ABCA4: variants seen among roughly 807,000 people sequenced by gnomAD.
ABCA4 encodes the protein retinal-specific phospholipid-transporting ATPase ABCA4.
A neutral mutation model predicts 263.7 loss-of-function variants in ABCA4; 196 were observed. The ratio of observed to expected loss-of-function variants is 0.74; its 90% CI spans 0.66 to 0.84. The LOEUF is 0.84. Among genes scored for constraint, ABCA4 ranks in the 40% least tolerant of loss-of-function variants. ABCA4 has a pLI of 0.00. For synonymous variants in ABCA4, 1,133 were observed against 1,094.2 expected, an observed-to-expected ratio of 1.04 and a Z score of -0.70; for missense variants, 2,792 against 2,855.1, an observed-to-expected ratio of 0.98 and a Z score of 0.50.
At chr1:94,083,500 C>T (rs1661757343) in intron 6 of ABCA4, 59 bp from the exon 7 acceptor site, 3 of 1,314,870 alleles carry the variant, frequency 2.3e-6, no homozygotes, top group East Asian at 2.3e-5. Context: ...TATATACACA[C>T]ATAGGCACAG....
At chr1:94,042,973 A>G in intron 21 of ABCA4, 75 bp from the exon 22 acceptor site, 3 of 1,593,680 alleles carry the variant, frequency 1.9e-6, no homozygotes, top group East Asian at 2.2e-5. Flanking sequence ...GGCAAGTGGC[A>G]TTGTGGGGGT....
chr1:94,042,035 C>G (rs544182173), intron 22 of ABCA4, among the ~76,000 whole-genome samples: 12 of 137,770 alleles, frequency 8.7e-5, no homozygotes, highest in Non-Finnish European at 1.8e-4. Flanking sequence ...GGAGGCGGAG[C>G]TTGCAGTGAG....
intron 26 of ABCA4, among the ~76,000 whole-genome samples, chr1:94,033,873 T>C (rs958052180): frequency 1.3e-5 from 2 of 152,124 alleles, no homozygotes; most frequent in Non-Finnish European, 2.9e-5. Context: ...TGATGTCTTC[T>C]ATGGCTGGCC....
At position 94,051,576 on chromosome 1, in the gene ABCA4, G is replaced by A. The variant is rs114978109; in HGVS notation, c.2653+57C>T. 1.2e-3 allele frequency: 1,674 copies of A among 1,451,310 alleles called. 15 individuals are homozygous for A. In the African/African-American group the frequency reaches 0.022, roughly 19 times the overall value. The allele number at this position is 1,451,310 out of a possible 1,614,324, so 89.9% of individuals were successfully genotyped here. A position where few individuals can be genotyped will look rare whatever the true frequency, so the allele number is the denominator to read the frequency against. On this transcript the variant is annotated intron_variant, in intron 17 of 49. Transcript: ENST00000370225. Reference sequence around the variant, plus strand: ...CACCTCTGTGATCCATATACATCTTGCACAGAGCCCAAGGAGTTGATTTCA... The same window carrying A: ...CACCTCTGTGATCCATATACATCTTACACAGAGCCCAAGGAGTTGATTTCA...
At chr1:94,080,769 T>A (rs375651324) in intron 7 of ABCA4, 51 bp from the exon 8 acceptor site, 42 of 1,613,054 alleles carry the variant, frequency 2.6e-5, no homozygotes, top group Non-Finnish European at 3.6e-5. Context: ...AGAGTCATAA[T>A]CTGCTGTGAG....
chr1:94,116,978 C>T (rs540610252), intron 1 of ABCA4, among the ~76,000 whole-genome samples: 1 of 95,950 alleles, frequency 1.0e-5, no homozygotes, highest in Non-Finnish European at 2.2e-5. Flanking sequence ...CTCTTTCTTT[C>T]TTTCTTTCTT....
In ABCA4 at chr1:94,055,178, C is replaced by T; in HGVS notation, c.2520G>A (p.Met840Ile). Residue 840 changes from methionine (M) to isoleucine (I), a missense_variant, in exon 16 of 50, where the codon ATG becomes ATA. By Grantham distance (10) the Met-to-Ile change is conservative (BLOSUM62 1). Transcript: ENST00000370225. ...EGDEFSFLLS[M>I]QMMLLDAAVY... ...CAGCAGCATCAAGGAGCATCATCTG[C>T]ATGGACAGCAGGAAGCTGAATTCGT... 1.2e-6 allele frequency: 2 copies of T among 1,614,180 alleles called. No individual in the cohort carries two copies. Among genetic ancestry groups the T allele is most frequent in the Middle Eastern group, 1.6e-4 (1 of 6,062 alleles).
At position 93,994,206 on chromosome 1, in the gene ABCA4, A is replaced by T. The variant is rs1658939985; in HGVS notation, c.6817-964T>A. 2.0e-5 allele frequency among the ~76,000 whole-genome samples: 3 copies of T among 152,326 alleles called. No individual in the cohort carries two copies. In the South Asian group the frequency reaches 6.2e-4, roughly 32 times the overall value. The stretch of plus-strand genomic sequence containing the variant: ...TCACATAATTATTAACCTATTTAGG[A>T]TGTTTCTAAGTTGTCTGATCATCTG... On this transcript the variant is annotated intron_variant, in intron 49 of 49. Coordinates refer to ENST00000370225, the MANE Select transcript of ABCA4 (RefSeq NM_000350.3).
In ABCA4 at chr1:94,037,288, A is replaced by G. The variant is rs762213896; in HGVS notation, c.3670T>C (p.Cys1224Arg). Reference sequence around the variant, plus strand: ...AGGAAGATAAGTTCTTGACCAATGCACTCCACCAGCTTTGCCTCTGGAACA... The same window carrying G: ...AGGAAGATAAGTTCTTGACCAATGCGCTCCACCAGCTTTGCCTCTGGAACA... Reference protein sequence around the residue: ...HHVPEAKLVECIGQELIFLLP... With the variant: ...HHVPEAKLVERIGQELIFLLP... The change falls in exon 25 of 50, where the codon TGC becomes CGC. Residue 1224 changes from cysteine to arginine, a missense_variant. By Grantham distance (180) the Cys-to-Arg change is radical. Coordinates refer to ENST00000370225, the MANE Select transcript of ABCA4 (RefSeq NM_000350.3). 1 of 1,613,978 alleles carries G rather than the reference A, an allele frequency of 6.2e-7. No homozygotes were observed.
chr1:94,015,714 T>A, intron 37 of ABCA4, 25 bp downstream of exon 37: 7 of 1,452,776 alleles, frequency 4.8e-6, no homozygotes, highest in Non-Finnish European at 4.8e-6. Context: ...TTCAGAGGCA[T>A]TAGCTAATGG....
chr1:94,042,659 G>T, intron 22 of ABCA4, 102 bp downstream of exon 22: 4 of 1,491,684 alleles, frequency 2.7e-6, no homozygotes, highest in East Asian at 2.3e-5. Flanking sequence ...TGTAGTCATT[G>T]TGGTTCCTGT....
rs374642363 is a variant in ABCA4, at chr1:94,025,507, TCA to T, written c.4540-461_4540-460del. 726 of 254,798 alleles carry T rather than the reference TCA, an allele frequency of 2.8e-3. 14 individuals are homozygous for T. The South Asian group carries it at 0.032, about 11-fold the overall frequency. The allele number at this position is 254,798 out of a possible 1,614,324, so 15.8% of individuals were successfully genotyped here. On this transcript the variant is annotated intron_variant, in intron 30 of 49. Coordinates refer to ENST00000370225, the MANE Select transcript of ABCA4 (RefSeq NM_000350.3). The stretch of plus-strand genomic sequence containing the variant: ...ATAAACCCTGGGATCAAATCTCGAC[TCA>T]CTACCAAGGCCCATGTGGCCGATGT...
chr1:94,026,324 G>A (rs1660038030), intron 30 of ABCA4, among the ~76,000 whole-genome samples: 1 of 152,170 alleles, frequency 6.6e-6, no homozygotes, highest in Non-Finnish European at 1.5e-5. Context: ...TGCTCCCTGT[G>A]TGTCGGGCAC....
At chr1:94,040,650 GA>G (rs1660461148) in intron 23 of ABCA4, among the ~76,000 whole-genome samples, 1 of 151,970 alleles carries the variant, frequency 6.6e-6, no homozygotes, top group African/African-American at 2.4e-5. Context: ...ATGTGAAGAA[GA>G]AAAAAATACT....
rs1658907058 is a variant in ABCA4, at chr1:93,992,870, A to G, written c.*367T>C. ...GAGTGCATTTGCATTTTATTTTTCC[A>G]TGAAAATCACACACAACGCAGACAC... On this transcript the variant is annotated 3_prime_UTR_variant, in exon 50 of 50. Transcript: ENST00000370225. 2.9e-6 allele frequency: 1 copy of G among 339,890 alleles called. No homozygotes were observed. Among genetic ancestry groups the G allele is most frequent in the Non-Finnish European group, 5.6e-6 (1 of 177,336 alleles). The allele number at this position is 339,890 out of a possible 1,614,324, so 21.1% of individuals were successfully genotyped here. A position where few individuals can be genotyped will look rare whatever the true frequency, so the allele number is the denominator to read the frequency against.
chr1:94,016,457 A>G (rs1042232993), intron 36 of ABCA4, among the ~76,000 whole-genome samples: 3 of 152,166 alleles, frequency 2.0e-5, no homozygotes, highest in Non-Finnish European at 2.9e-5. Context: ...CCAGAGCAGA[A>G]CGAGGAGGAC....
rs779872369 is a variant in ABCA4, at chr1:94,024,967, G to C, written c.4621C>G (p.Leu1541Val). ...SDFLVKTYPA[L>V]IRSSLKSKFW... ...ATTTCTTCTTACCTGCTTCTTATAA[G>C]AGCAGGATACGTTTTTACCAAGAAG... The change falls in exon 31 of 50, where the codon CTT (leucine) becomes GTT (valine). Residue 1541 changes from leucine (L) to valine (V), a missense_variant. Coordinates refer to ENST00000370225, the MANE Select transcript of ABCA4 (RefSeq NM_000350.3). 9.3e-6 allele frequency: 15 copies of C among 1,613,902 alleles called. No homozygotes were observed. The South Asian group carries it at 1.5e-4, about 17-fold the overall frequency.
chr1:94,101,605 CT>C (rs957043577), intron 5 of ABCA4, among the ~76,000 whole-genome samples: 16 of 152,346 alleles, frequency 1.1e-4, no homozygotes, highest in African/African-American at 3.8e-4. Context: ...AGACAGCACC[CT>C]GTGCAGACCT....
intron 30 of ABCA4, 38 bp from the exon 31 acceptor site, chr1:94,025,086 C>G: frequency 6.4e-7 from 1 of 1,550,762 alleles, no homozygotes; most frequent in East Asian, 2.2e-5. Context: ...TACCTTGGAA[C>G]TTGAGGACTT....
Sources: gnomAD v4.1 joint callset for allele counts (sites outside exome capture counted in the v4.1 genomes callset) on GRCh38, gnomAD v4.1.1 for gene constraint, MANE v1.5 for transcripts, NCBI Gene and HGNC (gene_info 2026-07-23, HGNC 2026-07-21) for gene names.